COL11A1: variants seen among roughly 807,000 people sequenced by gnomAD.
The protein encoded by COL11A1 is collagen type XI alpha 1 chain, also known as collagen alpha-1(XI) chain.
COL11A1 carries 74 observed loss-of-function variants against 265.2 expected under a neutral mutation model. The observed-to-expected ratio is 0.28, with a 90% CI of 0.23 to 0.34. The LOEUF is 0.34. COL11A1 is among the 10% of genes least tolerant of loss of function. The pLI is 1.00. For synonymous variants in COL11A1, 816 were observed against 727.6 expected, an observed-to-expected ratio of 1.12 and a Z score of -1.96; for missense variants, 2,165 against 2,263.6, an observed-to-expected ratio of 0.96 and a Z score of 0.88.
chr1:102,968,786 T>A (rs12143676), intron 37 of COL11A1, among the ~76,000 whole-genome samples: 20,532 of 152,258 alleles, frequency 0.13, 1,522 homozygotes, highest in Middle Eastern at 0.19. Flanking sequence ...ACATTCATTC[T>A]AGAAACATTA....
intron 1 of COL11A1, among the ~76,000 whole-genome samples, chr1:103,085,854 A>C (rs1393087693): frequency 3.3e-5 from 5 of 152,144 alleles, no homozygotes; most frequent in Non-Finnish European, 5.9e-5. Flanking sequence ...GGAGAGCCTA[A>C]TATGTGCCAG....
chr1:103,079,211 A>G (rs994502084), intron 2 of COL11A1, among the ~76,000 whole-genome samples: 9 of 152,144 alleles, frequency 5.9e-5, no homozygotes, highest in Non-Finnish European at 1.2e-4. Context: ...ATTTTGGCCT[A>G]AAGTTTGTAT....
chr1:102,971,244 GCTGT>G (rs1661956539), intron 36 of COL11A1, among the ~76,000 whole-genome samples: 1 of 152,166 alleles, frequency 6.6e-6, no homozygotes, highest in Admixed American at 6.5e-5. Flanking sequence ...TATAAAGGAT[GCTGT>G]CTTTGTCATG....
In COL11A1 at chr1:102,876,711, A is replaced by G. The variant is rs1649543088; in HGVS notation, c.*1308T>C. 1 of 152,504 alleles carries G rather than the reference A, an allele frequency of 6.6e-6. No homozygotes were observed. Among genetic ancestry groups the G allele is most frequent in the Admixed American group, 6.6e-5 (1 of 15,262 alleles). The allele number at this position is 152,504 out of a possible 1,614,324, so 9.4% of individuals were successfully genotyped here. On this transcript the variant is annotated 3_prime_UTR_variant, in exon 67 of 67. Transcript: ENST00000370096. ...ACATTTATTTTCAAGTCTTACATAT[A>G]TTACTTAAAATAGATACAAAATTCA...
intron 54 of COL11A1, among the ~76,000 whole-genome samples, chr1:102,900,979 G>A (rs1395618516): frequency 6.6e-6 from 1 of 152,016 alleles, no homozygotes; most frequent in Non-Finnish European, 1.5e-5. Flanking sequence ...CCTAATAGAA[G>A]GTGTTAAGGT....
intron 24 of COL11A1, among the ~76,000 whole-genome samples, chr1:103,000,774 C>G (rs1665030052): frequency 6.6e-6 from 1 of 151,894 alleles, no homozygotes; most frequent in African/African-American, 2.4e-5. Flanking sequence ...AGAATGAAAA[C>G]ACATCTATAC....
chr1:102,888,627 G>A lies in COL11A1; in HGVS notation c.4558C>T (p.Pro1520Ser). The A allele has an allele frequency of 6.2e-7, 1 of 1,613,756 alleles. No individual in the cohort carries two copies. The highest frequency in any genetic ancestry group is 1.1e-5 in the South Asian group (1 of 91,074). The change falls in exon 62 of 67, where the codon CCC becomes TCC. Residue 1520 changes from proline to serine, a missense_variant. Coordinates refer to ENST00000370096, the MANE Select transcript of COL11A1 (RefSeq NM_001854.4). ...CCACTGTCACCTTTCTGGCCAGCGG[G>A]TCCCTGTTAGAAAGAAGAGAGAGGA... ...GPKGNKGSTG[P>S]AGQKGDSGLP... is the part of the protein sequence containing the mutation.
In COL11A1 at chr1:102,979,243, G is replaced by T. The variant is rs1662803406; in HGVS notation, c.2610+139C>A. On this transcript the variant is annotated intron_variant, in intron 32 of 66. Transcript: ENST00000370096. ...CATTTAGAGACAGACTTGCTATGCT[G>T]CCCAGGCTGGCCTGGAACTCCGGGA... is the stretch of plus-strand genomic sequence containing the variant. The T allele has an allele frequency of 4.9e-6, 6 of 1,213,844 alleles. No homozygotes were observed. In the South Asian group the frequency reaches 7.5e-5, roughly 15 times the overall value. The allele number at this position is 1,213,844 out of a possible 1,614,324, so 75.2% of individuals were successfully genotyped here.
chr1:103,046,612 A>C (rs900576058), intron 4 of COL11A1, among the ~76,000 whole-genome samples: 17 of 151,310 alleles, frequency 1.1e-4, no homozygotes, highest in East Asian at 7.8e-4. Context: ...TAGTTTAATT[A>C]GATCCCATTT....
intron 31 of COL11A1, among the ~76,000 whole-genome samples, chr1:102,981,252 T>C (rs779505357): frequency 7.2e-5 from 11 of 152,198 alleles, no homozygotes; most frequent in Non-Finnish European, 1.3e-4. Context: ...AAAAAATCTC[T>C]GCACATTACA....
chr1:102,898,629 A>T, intron 56 of COL11A1, 37 bp downstream of exon 56: 2 of 1,563,098 alleles, frequency 1.3e-6, no homozygotes, highest in Non-Finnish European at 8.8e-7. Flanking sequence ...TAAAAATGTT[A>T]TTTTCAAAAT....
intron 29 of COL11A1, among the ~76,000 whole-genome samples, chr1:102,988,455 A>T (rs1177138316): frequency 6.6e-6 from 1 of 152,174 alleles, no homozygotes; most frequent in Non-Finnish European, 1.5e-5. Context: ...CTGTCTGGAT[A>T]AATAGGCCCT....
intron 4 of COL11A1, among the ~76,000 whole-genome samples, chr1:103,052,147 TCTCTA>T (rs66663807): frequency 0.6 from 90,090 of 151,296 alleles, 29,104 homozygotes; most frequent in East Asian, 0.91. Context: ...TATGGCCTTG[TCTCTA>T]CTCTAAGTAC....
In COL11A1 at chr1:103,017,861, G is replaced by A; in HGVS notation, c.1372C>T (p.Leu458=). 1 of 1,613,010 alleles carries A rather than the reference G, an allele frequency of 6.2e-7. No homozygotes were observed. Among genetic ancestry groups the A allele is most frequent in the Non-Finnish European group, 8.5e-7 (1 of 1,179,182 alleles). ...CCAGGGGGTCCAGTGGGGCCTTGTA[G>A]ACCTGGAGGACCCATAATACCCTAT... ...GPAGIMGPPG[L]QGPTGPPGDP... is the part of the protein sequence containing the mutation. Residue 458 remains leucine, a synonymous_variant, in exon 11 of 67, where the codon CTA becomes TTA. Transcript: ENST00000370096.
chr1:103,017,102 A>C (rs1666627951), intron 11 of COL11A1, among the ~76,000 whole-genome samples: 2 of 152,072 alleles, frequency 1.3e-5, no homozygotes, highest in South Asian at 4.1e-4. Context: ...GTAAGAACTA[A>C]CTTTATGAAC....
At chr1:103,108,014 G>T in intron 1 of COL11A1, 59 bp downstream of exon 1, 1 of 1,217,390 alleles carries the variant, frequency 8.2e-7, no homozygotes, top group Non-Finnish European at 1.2e-6. Flanking sequence ...GGGGGGAGGG[G>T]CGCAGAAGCA....
intron 44 of COL11A1, among the ~76,000 whole-genome samples, chr1:102,938,355 A>C (rs1658363355): frequency 6.6e-6 from 1 of 150,378 alleles, no homozygotes; most frequent in Admixed American, 6.7e-5. Flanking sequence ...TTTCTATCAG[A>C]GAGCAAATAC....
At chr1:103,082,035 T>C (rs1025338321) in intron 2 of COL11A1, among the ~76,000 whole-genome samples, 2 of 151,978 alleles carry the variant, frequency 1.3e-5, no homozygotes, top group Non-Finnish European at 2.9e-5. Flanking sequence ...TTTGAAAATA[T>C]GAGGCTCGAA....
intron 4 of COL11A1, among the ~76,000 whole-genome samples, chr1:103,069,025 C>T (rs1040781558): frequency 6.6e-6 from 1 of 151,254 alleles, no homozygotes; most frequent in African/African-American, 2.4e-5. Flanking sequence ...AAATGAAATC[C>T]CCATTAAAAC....
Sources: allele counts gnomAD v4.1 joint callset (sites outside exome capture counted in the v4.1 genomes callset), GRCh38; gene constraint gnomAD v4.1.1; transcripts MANE v1.5; gene names NCBI Gene and HGNC (gene_info 2026-07-23, HGNC 2026-07-21).